The following CNBD1 variants were observed in gnomAD, a reference collection of about 807,000 sequenced individuals.
The protein encoded by CNBD1 is cyclic nucleotide-binding domain-containing protein 1.
In CNBD1, 71 loss-of-function variants were observed where a neutral mutation model predicts 54.4. The ratio of observed to expected loss-of-function variants is 1.30; its 90% CI spans 1.08 to 1.59. CNBD1 has a LOEUF of 1.59. Among genes scored for constraint, CNBD1 ranks in the 40% most tolerant of loss-of-function variants. The pLI is 0.00. For missense variants in CNBD1, 659 were observed against 518.0 expected (o/e 1.27, Z -2.64); for synonymous variants, 182 against 170.7 (o/e 1.07, Z -0.51).
In CNBD1 at chr8:87,027,861, C is replaced by T. The variant is rs1453261615; in HGVS notation, c.431+88107C>T. On this transcript the variant is annotated intron_variant, in intron 4 of 10. Coordinates refer to ENST00000518476, the MANE Select transcript of CNBD1 (RefSeq NM_173538.3). ...ATAAAGTCATCAAAACACAATCCAA[C>T]TGCTGCAGCAACAAACAAGCTCCAA... Among the ~76,000 whole-genome samples the T allele has an allele frequency of 3.3e-5, 5 of 152,262 alleles. No homozygotes were observed. In the East Asian group the frequency reaches 5.8e-4, roughly 18 times the overall value.
intron 8 of CNBD1, among the ~76,000 whole-genome samples, chr8:87,338,922 T>G (rs1427331942): frequency 1.3e-5 from 2 of 152,148 alleles, no homozygotes; most frequent in African/African-American, 2.4e-5. Context: ...TACTCAGACC[T>G]CAGTGTTTTA....
intron 4 of CNBD1, among the ~76,000 whole-genome samples, chr8:87,181,276 A>T (rs1813305662): frequency 6.6e-6 from 1 of 152,212 alleles, no homozygotes; most frequent in Non-Finnish European, 1.5e-5. Context: ...TATGCAACTT[A>T]ATACATTTGA....
rs545593573 is a variant in CNBD1, at chr8:87,370,003, T to A, written c.1304-12617T>A. Among the ~76,000 whole-genome samples the A allele has an allele frequency of 1.2e-4, 18 of 152,190 alleles. No individual in the cohort carries two copies. The East Asian group carries it at 2.5e-3, about 21-fold the overall frequency. On this transcript the variant is annotated intron_variant, in intron 10 of 10. Coordinates refer to ENST00000518476, the MANE Select transcript of CNBD1 (RefSeq NM_173538.3). Reference sequence around the variant, plus strand: ...TTTGGTTTTTTGTCCCTGCAATAGTTTACTGAGAATGATGATTTCCGATTT... The same window carrying A: ...TTTGGTTTTTTGTCCCTGCAATAGTATACTGAGAATGATGATTTCCGATTT...
chr8:87,263,906 T>C (rs2130851306), intron 6 of CNBD1, among the ~76,000 whole-genome samples: 1 of 152,298 alleles, frequency 6.6e-6, no homozygotes, highest in South Asian at 2.1e-4. Context: ...TACTTTACAG[T>C]TCACAAATAT....
chr8:87,030,382 C>A (rs1012467663), intron 4 of CNBD1, among the ~76,000 whole-genome samples: 1 of 152,152 alleles, frequency 6.6e-6, no homozygotes, highest in Non-Finnish European at 1.5e-5. Flanking sequence ...TTCTTATGAA[C>A]TACTCAGGAA....
intron 4 of CNBD1, among the ~76,000 whole-genome samples, chr8:86,982,511 A>G (rs892272725): frequency 1.3e-5 from 2 of 152,144 alleles, no homozygotes; most frequent in Non-Finnish European, 2.9e-5. Context: ...CTTTATTTCC[A>G]TGCAAATAGG....
At chr8:87,012,949 T>TATG (rs1336289944) in intron 4 of CNBD1, among the ~76,000 whole-genome samples, 1 of 152,256 alleles carries the variant, frequency 6.6e-6, no homozygotes, top group African/African-American at 2.4e-5. Context: ...TCCTGAGGGC[T>TATG]ATGTCATAGG....
chr8:87,327,649 C>T (rs1809711618), intron 8 of CNBD1, among the ~76,000 whole-genome samples: 1 of 152,206 alleles, frequency 6.6e-6, no homozygotes, highest in Non-Finnish European at 1.5e-5. Flanking sequence ...CAGTGCCTCG[C>T]CCTGCTTCGG....
chr8:87,350,173 T>C (rs994404277), intron 8 of CNBD1, among the ~76,000 whole-genome samples: 1 of 152,154 alleles, frequency 6.6e-6, no homozygotes, highest in Admixed American at 6.5e-5. Context: ...AAGAGAAAAA[T>C]CTGTGAGAAA....
At chr8:87,000,050 T>C (rs1808960324) in intron 4 of CNBD1, among the ~76,000 whole-genome samples, 1 of 152,202 alleles carries the variant, frequency 6.6e-6, no homozygotes, top group South Asian at 2.1e-4. Flanking sequence ...TTCTTAATTT[T>C]TGGTTTTCCA....
chr8:86,976,258 CT>C (rs2035130569), intron 4 of CNBD1, among the ~76,000 whole-genome samples: 1 of 80,836 alleles, frequency 1.2e-5, no homozygotes, highest in Non-Finnish European at 2.4e-5. Flanking sequence ...TCTATTTTTG[CT>C]TTTGTCGTCT....
At chr8:86,989,906 G>A (rs1350335674) in intron 4 of CNBD1, among the ~76,000 whole-genome samples, 3 of 152,108 alleles carry the variant, frequency 2.0e-5, no homozygotes, top group Non-Finnish European at 2.9e-5. Flanking sequence ...TGGGAAGGTA[G>A]GACAGCCCAT....
At chr8:87,082,395 G>A (rs932959605) in intron 4 of CNBD1, among the ~76,000 whole-genome samples, 11 of 152,070 alleles carry the variant, frequency 7.2e-5, no homozygotes, top group Admixed American at 6.5e-4. Context: ...AAACAGCCTT[G>A]TTGCTCACAC....
chr8:87,197,677 A>G (rs1409032399), intron 4 of CNBD1, among the ~76,000 whole-genome samples: 1 of 152,220 alleles, frequency 6.6e-6, no homozygotes, highest in Admixed American at 6.5e-5. Flanking sequence ...ATTTCCAGAA[A>G]AAGATTATAG....
chr8:87,287,516 A>G (rs1199067246), intron 8 of CNBD1, among the ~76,000 whole-genome samples: 1 of 152,194 alleles, frequency 6.6e-6, no homozygotes, highest in Admixed American at 6.6e-5. Flanking sequence ...CAAAGCCACA[A>G]TTATAGTGAG....
chr8:87,232,326 T>C (rs1036912561), intron 5 of CNBD1, among the ~76,000 whole-genome samples: 1 of 151,730 alleles, frequency 6.6e-6, no homozygotes, highest in African/African-American at 2.4e-5. Context: ...TAGATGTATG[T>C]TTCATTTTAT....
intron 4 of CNBD1, among the ~76,000 whole-genome samples, chr8:86,967,240 A>G (rs187776836): frequency 6.6e-6 from 1 of 152,184 alleles, no homozygotes; most frequent in Non-Finnish European, 1.5e-5. Context: ...TCCTGTGCCT[A>G]GGAGGGTGGC....
chr8:87,109,243 G>C (rs978305275), intron 4 of CNBD1, among the ~76,000 whole-genome samples: 3 of 152,064 alleles, frequency 2.0e-5, no homozygotes, highest in Non-Finnish European at 2.9e-5. Context: ...CCGGTAGGGG[G>C]CAGTTCTTCT....
At chr8:87,336,984 T>C (rs1258708341) in intron 8 of CNBD1, among the ~76,000 whole-genome samples, 1 of 152,022 alleles carries the variant, frequency 6.6e-6, no homozygotes, top group Non-Finnish European at 1.5e-5. Context: ...TTGCTGGGGG[T>C]TCACTTCAGG....
Sources: allele counts gnomAD v4.1 joint callset (sites outside exome capture counted in the v4.1 genomes callset), GRCh38; gene constraint gnomAD v4.1.1; transcripts MANE v1.5; gene names NCBI Gene and HGNC (gene_info 2026-07-23, HGNC 2026-07-21).